The following SLCO3A1 variants were observed in gnomAD, a reference collection of about 807,000 sequenced individuals.
SLCO3A1 encodes PGE1 transporter.
A neutral mutation model predicts 63.1 loss-of-function variants in SLCO3A1; 27 were observed. The ratio of observed to expected loss-of-function variants is 0.43; its 90% CI spans 0.32 to 0.59. SLCO3A1 has a LOEUF of 0.59. Ranked by LOEUF, SLCO3A1 falls within the 20% of genes least tolerant of loss-of-function variation. The pLI is 0.09. For missense variants in SLCO3A1, 773 were observed against 945.8 expected (o/e 0.82, Z 2.40); for synonymous variants, 473 against 409.9 (o/e 1.15, Z -1.86).
At chr15:91,947,613 G>A (rs1169894464) in intron 2 of SLCO3A1, among the ~76,000 whole-genome samples, 2 of 152,188 alleles carry the variant, frequency 1.3e-5, no homozygotes, top group Admixed American at 6.5e-5. Flanking sequence ...CGTTGCCTTC[G>A]GCCTTTGTCA....
Position 91,916,349 on chromosome 15 carries a change from G to A in SLCO3A1, c.537G>A (p.Leu179=). The part of the protein sequence containing the change: ...NRTATNMMYL[L]LIGAQVLLGI... ...CGGCTACCAACATGATGTACTTGCTGCTCATTGGGGCCCAGGTGCTCCTGG... is the reference window on the plus strand; with the variant it reads ...CGGCTACCAACATGATGTACTTGCTACTCATTGGGGCCCAGGTGCTCCTGG... The change falls in exon 2 of 10, where the codon CTG becomes CTA. Residue 179 remains leucine (L), a synonymous_variant. Coordinates refer to ENST00000318445, the MANE Select transcript of SLCO3A1 (RefSeq NM_013272.4). This position sits in a 1 kb window ranked among gnomAD's most constrained non-coding sequence, Gnocchi z 6.2. 3 of 1,610,382 alleles carry A rather than the reference G, an allele frequency of 1.9e-6. No individual in the cohort carries two copies. Among genetic ancestry groups the A allele is most frequent in the Non-Finnish European group, 1.7e-6 (2 of 1,178,654 alleles).
rs933670517 is a variant in SLCO3A1 at position 91,865,362 on chromosome 15, G to C, written c.180+11274G>C. On this transcript the variant is annotated intron_variant, in intron 1 of 9. Coordinates refer to ENST00000318445, the MANE Select transcript of SLCO3A1 (RefSeq NM_013272.4). The surrounding 1 kb of genome is among the most constrained non-coding windows in gnomAD (Gnocchi z 4.6). ...ACTTTCACAGTTTATCTGTTGGTGAGGTGGACATGGGCTTGGAGGGGAGAG... is the reference window on the plus strand; with the variant it reads ...ACTTTCACAGTTTATCTGTTGGTGACGTGGACATGGGCTTGGAGGGGAGAG... Among the ~76,000 whole-genome samples, 2 of 152,204 alleles carry C rather than the reference G, an allele frequency of 1.3e-5. No individual in the cohort carries two copies. Among genetic ancestry groups the C allele is most frequent in the African/African-American group, 4.8e-5 (2 of 41,456 alleles).
Position 91,954,077 on chromosome 15 carries a change from A to G in SLCO3A1, c.646+37619A>G, listed in dbSNP as rs1186852982. Among the ~76,000 whole-genome samples, 2 of 152,206 alleles carry G rather than the reference A, an allele frequency of 1.3e-5. No homozygotes were observed. Among genetic ancestry groups the G allele is most frequent in the African/African-American group, 4.8e-5 (2 of 41,466 alleles). ...GTGTGTGTTCTGTTAGCCATGGGCG[A>G]TGTCTTCACAGAGCATGTAGAAACC... On this transcript the variant is annotated intron_variant, in intron 2 of 9. Coordinates refer to ENST00000318445, the MANE Select transcript of SLCO3A1 (RefSeq NM_013272.4). This position sits in a 1 kb window ranked among gnomAD's most constrained non-coding sequence, Gnocchi z 4.7.
rs1041028117 is a variant in SLCO3A1 at position 91,863,661 on chromosome 15, G to A, written c.180+9573G>A. ...AACCTCCTCCTGAAATGTAGGAAAGGAGCATATTTTTTTGGCCGGAGTGAT... is the reference window on the plus strand; with the variant it reads ...AACCTCCTCCTGAAATGTAGGAAAGAAGCATATTTTTTTGGCCGGAGTGAT... On this transcript the variant is annotated intron_variant, in intron 1 of 9. Coordinates refer to ENST00000318445, the MANE Select transcript of SLCO3A1 (RefSeq NM_013272.4). This position sits in a 1 kb window ranked among gnomAD's most constrained non-coding sequence, Gnocchi z 4.3. Among the ~76,000 whole-genome samples, 1 of 152,150 alleles carries A rather than the reference G, an allele frequency of 6.6e-6. No individual in the cohort carries two copies. The highest frequency in any genetic ancestry group is 2.4e-5 in the African/African-American group (1 of 41,422).
At chr15:91,973,720 C>T (rs888280848) in intron 2 of SLCO3A1, among the ~76,000 whole-genome samples, 6 of 152,088 alleles carry the variant, frequency 3.9e-5, no homozygotes, top group Non-Finnish European at 5.9e-5. Context: ...GGAGAGGCTG[C>T]GGATGCTGTC....
chr15:91,999,545 G>C (rs1014438441), intron 2 of SLCO3A1, among the ~76,000 whole-genome samples: 3 of 152,184 alleles, frequency 2.0e-5, no homozygotes, highest in African/African-American at 7.2e-5. Context: ...AATACAAAGA[G>C]ATACTGTCCT....
At chr15:91,980,728 G>A (rs1475574601) in intron 2 of SLCO3A1, among the ~76,000 whole-genome samples, 6 of 152,042 alleles carry the variant, frequency 3.9e-5, no homozygotes, top group Admixed American at 3.3e-4. Context: ...TTGGTGCCCT[G>A]GTGCCCCTTG....
At chr15:92,027,795 G>A (rs554270852) in intron 2 of SLCO3A1, among the ~76,000 whole-genome samples, 2 of 152,210 alleles carry the variant, frequency 1.3e-5, no homozygotes, top group Admixed American at 6.5e-5. Flanking sequence ...ACAGGACCGC[G>A]TAAAATAATC....
intron 2 of SLCO3A1, among the ~76,000 whole-genome samples, chr15:91,972,772 C>T (rs78678400): frequency 3.9e-5 from 6 of 152,128 alleles, no homozygotes; most frequent in Non-Finnish European, 7.3e-5. Flanking sequence ...GGTGCTGCCT[C>T]GGTCCTCCAG....
At chr15:91,930,513 G>T (rs1899188755) in intron 2 of SLCO3A1, among the ~76,000 whole-genome samples, 1 of 152,182 alleles carries the variant, frequency 6.6e-6, no homozygotes, top group Non-Finnish European at 1.5e-5. Context: ...AATGCATATG[G>T]TGAGATTATA....
chr15:91,974,262 A>ATTGTTGTTGTTG (rs201243284), intron 2 of SLCO3A1, among the ~76,000 whole-genome samples: 5 of 142,410 alleles, frequency 3.5e-5, no homozygotes, highest in Admixed American at 2.2e-4. Flanking sequence ...CATTTTCATT[A>ATTGTTGTTGTTG]TTGTTATTAT....
At position 91,912,507 on chromosome 15, in the gene SLCO3A1, A is replaced by G. The variant is rs1457084167; in HGVS notation, c.181-3486A>G. Among the ~76,000 whole-genome samples, 2 of 152,112 alleles carry G rather than the reference A, an allele frequency of 1.3e-5. No homozygotes were observed. The highest frequency in any genetic ancestry group is 2.9e-5 in the Non-Finnish European group (2 of 68,014). On this transcript the variant is annotated intron_variant, in intron 1 of 9. Transcript: ENST00000318445. The surrounding 1 kb of genome is among the most constrained non-coding windows in gnomAD (Gnocchi z 5.0). ...TTATCTGTCTCTAAAAGAACTGATT[A>G]TTTTTTGTTTTGCCCACAGCTGTCT...
chr15:92,056,491 C>G (rs1322725777), intron 2 of SLCO3A1, among the ~76,000 whole-genome samples: 2 of 152,196 alleles, frequency 1.3e-5, no homozygotes, highest in East Asian at 3.8e-4. Context: ...ACGCTCCTTC[C>G]ATCATTTGTC....
At position 91,912,113 on chromosome 15, in the gene SLCO3A1, C is replaced by G. The variant is rs1597113405; in HGVS notation, c.181-3880C>G. Among the ~76,000 whole-genome samples, 1 of 152,058 alleles carries G rather than the reference C, an allele frequency of 6.6e-6. No individual in the cohort carries two copies. Among genetic ancestry groups the G allele is most frequent in the Admixed American group, 6.6e-5 (1 of 15,266 alleles). ...TCTTGCAGTTATGGCTCCTTCTTCT[C>G]TAATTATCAAGACCTTCTCCATTAG... On this transcript the variant is annotated intron_variant, in intron 1 of 9. Transcript: ENST00000318445. The surrounding 1 kb of genome is among the most constrained non-coding windows in gnomAD (Gnocchi z 5.0).
At chr15:92,077,636 C>A (rs928157063) in intron 2 of SLCO3A1, among the ~76,000 whole-genome samples, 4 of 152,252 alleles carry the variant, frequency 2.6e-5, no homozygotes, top group African/African-American at 9.6e-5. Flanking sequence ...GTCCAGAGAT[C>A]CCCCACACTG....
chr15:92,081,777 T>C (rs559641792), intron 2 of SLCO3A1, among the ~76,000 whole-genome samples: 1 of 152,358 alleles, frequency 6.6e-6, no homozygotes, highest in East Asian at 1.9e-4. Context: ...CTGGGGACTT[T>C]GGGAAAAGCC....
rs547936318 is a variant in SLCO3A1 at position 92,008,378 on chromosome 15, C to T, written c.647-86503C>T. On this transcript the variant is annotated intron_variant, in intron 2 of 9. Coordinates refer to ENST00000318445, the MANE Select transcript of SLCO3A1 (RefSeq NM_013272.4). ...AGGCAAGTCACCTATTCTTTCTGAA[C>T]TCCAGTTTGCCCTGCTGTAAAAACA... Among the ~76,000 whole-genome samples the T allele has an allele frequency of 5.3e-5, 8 of 152,322 alleles. No individual in the cohort carries two copies. In the East Asian group the frequency reaches 1.5e-3, roughly 29 times the overall value.
chr15:92,098,375 A>T (rs975980135), intron 3 of SLCO3A1, among the ~76,000 whole-genome samples: 1 of 152,194 alleles, frequency 6.6e-6, no homozygotes, highest in Non-Finnish European at 1.5e-5. Flanking sequence ...TCCATGTTTG[A>T]TCGCTACGTG....
chr15:92,064,498 A>G (rs1197645066), intron 2 of SLCO3A1, among the ~76,000 whole-genome samples: 3 of 152,170 alleles, frequency 2.0e-5, no homozygotes, highest in African/African-American at 7.2e-5. Flanking sequence ...TTGAGGTCCT[A>G]CTTAAGAAAT....
Sources: allele counts gnomAD v4.1 joint callset (sites outside exome capture counted in the v4.1 genomes callset), GRCh38; gene constraint gnomAD v4.1.1; non-coding constraint Gnocchi (gnomAD v3.1); transcripts MANE v1.5; gene names NCBI Gene and HGNC (gene_info 2026-07-23, HGNC 2026-07-21).